Variants in MME observed in about 807,000 individuals in gnomAD.
The protein encoded by MME is membrane metalloendopeptidase, also known as neprilysin.
A neutral mutation model predicts 113.2 loss-of-function variants in MME; 98 were observed. That is an observed-to-expected ratio of 0.87 (90% CI 0.74 to 1.02). The LOEUF is 1.02. Ranked by LOEUF, MME falls within the 50% of genes least tolerant of loss-of-function variation. MME has a pLI of 0.00. For missense variants in MME, 836 were observed against 896.0 expected (o/e 0.93, Z 0.86); for synonymous variants, 292 against 300.6 (o/e 0.97, Z 0.30).
intron 1 of MME, among the ~76,000 whole-genome samples, chr3:155,048,799 A>G (rs1713653441): frequency 6.6e-6 from 1 of 152,016 alleles, no homozygotes; most frequent in Admixed American, 6.6e-5. Context: ...ATTTTTCTCT[A>G]TTCTAGTGCT....
intron 1 of MME, among the ~76,000 whole-genome samples, chr3:155,045,030 C>T (rs1459465888): frequency 6.6e-6 from 1 of 151,544 alleles, no homozygotes; most frequent in Non-Finnish European, 1.5e-5. Context: ...CACTGAGATA[C>T]TTTAAATCGG....
chr3:155,115,071 T>A lies in MME; in HGVS notation c.274T>A (p.Leu92Met), dbSNP rs1427426772. 3 of 1,614,048 alleles carry A rather than the reference T, an allele frequency of 1.9e-6. No homozygotes were observed. In the Admixed American group the frequency reaches 5.0e-5, roughly 27 times the overall value. The change falls in exon 4 of 23, where the codon TTG (leucine) becomes ATG (methionine). Residue 92 changes from leucine (L) to methionine (M), a missense_variant. Transcript: ENST00000360490. Reference protein sequence around the residue: ...DFFKYACGGWLKRNVIPETSS... With the variant: ...DFFKYACGGWMKRNVIPETSS... Reference sequence around the variant, plus strand: ...TTTCAAATATGCTTGCGGAGGCTGGTTGAAACGTAATGTCATTCCCGAGAC... The same window carrying A: ...TTTCAAATATGCTTGCGGAGGCTGGATGAAACGTAATGTCATTCCCGAGAC...
At chr3:155,061,796 G>C (rs1714158660) in intron 1 of MME, among the ~76,000 whole-genome samples, 1 of 151,760 alleles carries the variant, frequency 6.6e-6, no homozygotes, top group South Asian at 2.1e-4. Context: ...TGAGTAGCTG[G>C]GATTACAGGC....
chr3:155,071,503 T>C (rs1024738659), intron 1 of MME, among the ~76,000 whole-genome samples: 1 of 152,324 alleles, frequency 6.6e-6, no homozygotes, highest in East Asian at 1.9e-4. Context: ...AATTTGGAGG[T>C]ATAATATTTC....
At chr3:155,025,673 TTTTC>T (rs1210847631) in intron 1 of MME, among the ~76,000 whole-genome samples, 5 of 148,794 alleles carry the variant, frequency 3.4e-5, no homozygotes, top group Non-Finnish European at 7.4e-5. Context: ...GTATCAGATT[TTTTC>T]TTTCTTTCTT....
chr3:155,060,860 T>TGAGAGA (rs200219999), intron 1 of MME, among the ~76,000 whole-genome samples: 2 of 125,032 alleles, frequency 1.6e-5, no homozygotes, highest in African/African-American at 6.5e-5. Context: ...AGAGAGAGAG[T>TGAGAGA]GAGAGAGAGA....
chr3:155,132,694 A>C (rs1279029049), intron 8 of MME, among the ~76,000 whole-genome samples: 1 of 151,988 alleles, frequency 6.6e-6, no homozygotes, highest in Non-Finnish European at 1.5e-5. Context: ...TCTCTCAGTC[A>C]CACACACACA....
At chr3:155,041,476 TG>T (rs1713318260) in intron 1 of MME, among the ~76,000 whole-genome samples, 1 of 152,192 alleles carries the variant, frequency 6.6e-6, no homozygotes, top group Non-Finnish European at 1.5e-5. Context: ...GCATTAAAGC[TG>T]GTTTACATCT....
At chr3:155,079,188 G>A (rs959255103), upstream of MME, among the ~76,000 whole-genome samples, 1 of 152,050 alleles carries the variant, frequency 6.6e-6, no homozygotes, top group African/African-American at 2.4e-5. Context: ...AGGAAACGGG[G>A]AGGGAGAGTA....
At chr3:155,073,125 A>G (rs1422182580) in intron 1 of MME, among the ~76,000 whole-genome samples, 2 of 152,194 alleles carry the variant, frequency 1.3e-5, no homozygotes, top group Admixed American at 1.3e-4. Flanking sequence ...TGAAAAGTCA[A>G]CCGAAGGTGC....
intron 3 of MME, among the ~76,000 whole-genome samples, chr3:155,103,001 C>T (rs1717388353): frequency 6.6e-6 from 1 of 152,176 alleles, no homozygotes; most frequent in Admixed American, 6.5e-5. Context: ...CAGAACCTGA[C>T]TCAAATATTT....
rs997711956 is a variant in MME, at chr3:155,107,879, CT to C, written c.197-7114del. Among the ~76,000 whole-genome samples the C allele has an allele frequency of 3.3e-5, 5 of 152,264 alleles. No homozygotes were observed. The East Asian group carries it at 9.6e-4, about 29-fold the overall frequency. The stretch of plus-strand genomic sequence containing the variant: ...TAATGATGATTTCACTGTTAAAATG[CT>C]CCACAACCATAGTGTGGAAGTGCTA... On this transcript the variant is annotated intron_variant, in intron 3 of 22. Transcript: ENST00000360490.
At chr3:155,085,286 T>C in intron 3 of MME, 192 bp downstream of exon 3, 1 of 477,516 alleles carries the variant, frequency 2.1e-6, no homozygotes. Flanking sequence ...CTCTGAAAAA[T>C]ATATTACTAT....
At chr3:155,117,066 AG>A (rs1272533025) in intron 7 of MME, 80 bp downstream of exon 7, 1 of 850,498 alleles carries the variant, frequency 1.2e-6, no homozygotes, top group African/African-American at 1.7e-5. Flanking sequence ...ATTGATATTT[AG>A]AAATAATGCT....
intron 20 of MME, 35 bp from the exon 21 acceptor site, chr3:155,172,082 A>C (rs1196047188): frequency 8.4e-7 from 1 of 1,195,890 alleles, no homozygotes; most frequent in Non-Finnish European, 1.2e-6. Context: ...CTTAGGAATT[A>C]ATATTATTGT....
intron 1 of MME, among the ~76,000 whole-genome samples, chr3:155,073,792 GTCTA>G (rs753708014): frequency 6.6e-6 from 1 of 151,486 alleles, no homozygotes; most frequent in Admixed American, 6.6e-5. Flanking sequence ...ATGCCTATCT[GTCTA>G]TCTATCTATA....
chr3:155,140,671 G>C (rs1020387385), intron 10 of MME, among the ~76,000 whole-genome samples: 1 of 151,948 alleles, frequency 6.6e-6, no homozygotes, highest in Admixed American at 6.6e-5. Context: ...GCCTCCCAAA[G>C]TGTTAGCCAC....
chr3:155,053,813 A>G (rs1489420534), intron 1 of MME, among the ~76,000 whole-genome samples: 1 of 152,202 alleles, frequency 6.6e-6, no homozygotes, highest in Non-Finnish European at 1.5e-5. Context: ...TACAAATATA[A>G]AGGCCAGAGA....
At chr3:155,100,889 T>C (rs1229543320) in intron 3 of MME, among the ~76,000 whole-genome samples, 1 of 152,190 alleles carries the variant, frequency 6.6e-6, no homozygotes, top group Non-Finnish European at 1.5e-5. Flanking sequence ...CAATTGGTGC[T>C]ATGAAACTTT....
Sources: allele counts gnomAD v4.1 joint callset (sites outside exome capture counted in the v4.1 genomes callset), GRCh38; gene constraint gnomAD v4.1.1; transcripts MANE v1.5; gene names NCBI Gene and HGNC (gene_info 2026-07-23, HGNC 2026-07-21).